The following RPSA2 variants were observed in gnomAD, a reference collection of about 807,000 sequenced individuals.
RPSA2 encodes small ribosomal subunit protein uS2B.
the RPSA2 span, among the ~76,000 whole-genome samples, chr19:23,867,554 G>A: frequency 1.3e-5 from 2 of 152,198 alleles, no homozygotes; most frequent in African/African-American, 2.4e-5. Flanking sequence ...ACTGGGGCCG[G>A]GTGCGGTGGC....
chr19:23,810,418 AAAGGG>A, the RPSA2 span, among the ~76,000 whole-genome samples: 1 of 2,758 alleles, frequency 3.6e-4, no homozygotes, highest in Non-Finnish European at 9.0e-4. Context: ...AAAAAAAAAA[AAAGGG>A]AAAAGGGCTT....
At chr19:23,863,794 T>A in the RPSA2 span, among the ~76,000 whole-genome samples, 1 of 152,186 alleles carries the variant, frequency 6.6e-6, no homozygotes, top group African/African-American at 2.4e-5. Context: ...ACATAAGAAT[T>A]TGACTAGTGT....
the RPSA2 span, among the ~76,000 whole-genome samples, chr19:23,784,709 A>C: frequency 6.6e-6 from 1 of 152,196 alleles, no homozygotes; most frequent in Admixed American, 6.5e-5. Context: ...ATTCTCCCAC[A>C]CAAACATATC....
chr19:23,801,919 G>C, the RPSA2 span, among the ~76,000 whole-genome samples: 2 of 152,132 alleles, frequency 1.3e-5, no homozygotes. Context: ...GAATTTTCTA[G>C]AGCAGTCTCT....
the RPSA2 span, among the ~76,000 whole-genome samples, chr19:23,857,995 T>G: frequency 1.3e-5 from 2 of 152,012 alleles, no homozygotes; most frequent in Non-Finnish European, 2.9e-5. Context: ...GGAGAAAGCT[T>G]TTTTTTAAAT....
chr19:23,837,526 T>A, the RPSA2 span, among the ~76,000 whole-genome samples: 3 of 152,160 alleles, frequency 2.0e-5, no homozygotes, highest in African/African-American at 7.2e-5. Context: ...ATGGGGATTG[T>A]GTTGAATTTA....
the RPSA2 span, among the ~76,000 whole-genome samples, chr19:23,815,370 G>T: frequency 1.0e-5 from 1 of 96,394 alleles, no homozygotes; most frequent in Non-Finnish European, 2.3e-5. Context: ...TGGGTCATGG[G>T]AGCAAAGTCT....
the RPSA2 span, among the ~76,000 whole-genome samples, chr19:23,777,674 T>C: frequency 6.6e-6 from 1 of 152,136 alleles, no homozygotes; most frequent in East Asian, 1.9e-4. Context: ...GAGAAGATTG[T>C]GACATCACTG....
chr19:23,839,949 A>G, the RPSA2 span, among the ~76,000 whole-genome samples: 1 of 152,204 alleles, frequency 6.6e-6, no homozygotes, highest in African/African-American at 2.4e-5. Context: ...CAGTGGTGGC[A>G]CTCACTGTAT....
chr19:23,826,691 A>T, the RPSA2 span, among the ~76,000 whole-genome samples: 1 of 151,970 alleles, frequency 6.6e-6, no homozygotes, highest in Non-Finnish European at 1.5e-5. Flanking sequence ...TCCAGAATAT[A>T]TATATATATT....
At chr19:23,834,799 T>A in the RPSA2 span, among the ~76,000 whole-genome samples, 1 of 152,070 alleles carries the variant, frequency 6.6e-6, no homozygotes, top group Non-Finnish European at 1.5e-5. Flanking sequence ...ATACATTATT[T>A]GGTAAGATAA....
chr19:23,801,695 A>G, the RPSA2 span, among the ~76,000 whole-genome samples: 1 of 152,196 alleles, frequency 6.6e-6, no homozygotes, highest in African/African-American at 2.4e-5. Flanking sequence ...ATTTAAACAA[A>G]TAAGAATTTC....
chr19:23,845,585 A>G, the RPSA2 span, among the ~76,000 whole-genome samples: 1 of 152,176 alleles, frequency 6.6e-6, no homozygotes, highest in Non-Finnish European at 1.5e-5. Flanking sequence ...TCTGCCTTCC[A>G]TGCTCAAGTG....
chr19:23,791,438 G>T, the RPSA2 span, among the ~76,000 whole-genome samples: 14 of 152,260 alleles, frequency 9.2e-5, no homozygotes, highest in East Asian at 1.4e-3. Context: ...CTTGAGTTTA[G>T]ATTATTTTTT....
the RPSA2 span, among the ~76,000 whole-genome samples, chr19:23,857,949 C>T: frequency 1.3e-5 from 2 of 151,942 alleles, no homozygotes; most frequent in South Asian, 4.2e-4. Flanking sequence ...TCTGGAGAGA[C>T]AATTGCTTCA....
At chr19:23,786,213 G>A in the RPSA2 span, among the ~76,000 whole-genome samples, 1 of 152,200 alleles carries the variant, frequency 6.6e-6, no homozygotes, top group African/African-American at 2.4e-5. Flanking sequence ...GTTCATTGGT[G>A]AAATTGTCAG....
the RPSA2 span, among the ~76,000 whole-genome samples, chr19:23,771,339 C>A: frequency 3.9e-5 from 6 of 152,192 alleles, no homozygotes; most frequent in East Asian, 1.2e-3. Context: ...GAGTTGTTGA[C>A]TTCAATAAAT....
At chr19:23,846,950 G>C in the RPSA2 span, among the ~76,000 whole-genome samples, 1 of 152,016 alleles carries the variant, frequency 6.6e-6, no homozygotes. Flanking sequence ...TCTTAAATAG[G>C]TTTTCTAAAC....
the RPSA2 span, among the ~76,000 whole-genome samples, chr19:23,863,397 C>T: frequency 1.3e-5 from 2 of 152,084 alleles, no homozygotes; most frequent in South Asian, 2.1e-4. Flanking sequence ...AACCCTATCT[C>T]TGCTACAAAT....
Sources: allele counts gnomAD v4.1 joint callset (sites outside exome capture counted in the v4.1 genomes callset), GRCh38; gene constraint gnomAD v4.1.1; transcripts MANE v1.5; gene names NCBI Gene and HGNC (gene_info 2026-07-23, HGNC 2026-07-21).